The following GRAMD1B variants were observed in gnomAD, a reference collection of about 807,000 sequenced individuals.
The protein encoded by GRAMD1B is GRAM domain containing 1B, also known as protein Aster-B.
In GRAMD1B, 37 loss-of-function variants were observed where a neutral mutation model predicts 99.7. That is an observed-to-expected ratio of 0.37 (90% CI 0.29 to 0.49). GRAMD1B has a LOEUF of 0.49. Among genes scored for constraint, GRAMD1B ranks in the 20% least tolerant of loss-of-function variants. The probability of loss-of-function intolerance (pLI) is 0.98; values close to 1 mark genes in which losing one functional copy is unlikely to be tolerated. For missense variants in GRAMD1B, 888 were observed against 1,009.2 expected, an observed-to-expected ratio of 0.88 and a Z score of 1.63; for synonymous variants, 427 against 387.6, an observed-to-expected ratio of 1.10 and a Z score of -1.19.
chr11:123,481,512 C>T (rs1361806488), intron 2 of GRAMD1B, among the ~76,000 whole-genome samples: 2 of 152,134 alleles, frequency 1.3e-5, no homozygotes, highest in Non-Finnish European at 2.9e-5. Flanking sequence ...GAGTCATGCC[C>T]TATAGGTTGG....
chr11:123,553,727 G>A (rs182316103), intron 2 of GRAMD1B, among the ~76,000 whole-genome samples: 5 of 152,164 alleles, frequency 3.3e-5, no homozygotes, highest in East Asian at 1.9e-4. Context: ...TGGGGAACTC[G>A]GAGAGGACAG....
intron 1 of GRAMD1B, among the ~76,000 whole-genome samples, chr11:123,402,812 T>C (rs1437674597): frequency 6.6e-5 from 10 of 152,182 alleles, no homozygotes; most frequent in African/African-American, 2.4e-4. Flanking sequence ...TTTATTATTA[T>C]TATTATTTAT....
Position 123,389,935 on chromosome 11 carries a change from T to C in GRAMD1B, c.-176+31136T>C, listed in dbSNP as rs1309877887. ...GTGCCTGGCTAATGTTTTCCCATTT[T>C]TAGTAGAGACAGGGTTTCACCATGT... On this transcript the variant is annotated intron_variant, in intron 1 of 20. Coordinates refer to the GRAMD1B transcript ENST00000638157. Among the ~76,000 whole-genome samples the C allele has an allele frequency of 1.3e-5, 2 of 152,086 alleles. 1 individual carries two copies. The highest frequency in any genetic ancestry group is 2.9e-5 in the Non-Finnish European group (2 of 68,014).
chr11:123,585,671 G>A (rs1239392126), intron 4 of GRAMD1B, among the ~76,000 whole-genome samples: 10 of 152,140 alleles, frequency 6.6e-5, no homozygotes, highest in Admixed American at 2.6e-4. Context: ...GGAGCGACCC[G>A]CAGCCCAGCT....
intron 4 of GRAMD1B, among the ~76,000 whole-genome samples, chr11:123,586,362 T>A (rs539214854): frequency 2.6e-5 from 4 of 152,188 alleles, no homozygotes; most frequent in Non-Finnish European, 5.9e-5. Flanking sequence ...CTTCCTCTAT[T>A]AATTCTCACT....
chr11:123,369,670 G>A (rs555562313), intron 1 of GRAMD1B, among the ~76,000 whole-genome samples: 2 of 152,078 alleles, frequency 1.3e-5, no homozygotes, highest in East Asian at 1.9e-4. Flanking sequence ...CCAGGAGTTC[G>A]TGACCAGCCT....
chr11:123,602,143 A>G (rs1029788511), intron 8 of GRAMD1B, among the ~76,000 whole-genome samples: 2 of 152,092 alleles, frequency 1.3e-5, no homozygotes, highest in Non-Finnish European at 2.9e-5. Context: ...CAGCATAGAG[A>G]GCTGCGGCCC....
chr11:123,389,955 C>T (rs1947213816), intron 1 of GRAMD1B, among the ~76,000 whole-genome samples: 3 of 152,092 alleles, frequency 2.0e-5, no homozygotes, highest in Non-Finnish European at 2.9e-5. Flanking sequence ...CAGGGTTTCA[C>T]CATGTTGGCC....
chr11:123,424,131 G>A (rs1188307790), intron 1 of GRAMD1B, among the ~76,000 whole-genome samples: 2 of 151,620 alleles, frequency 1.3e-5, no homozygotes, highest in African/African-American at 4.9e-5. Flanking sequence ...TTGGCTGATT[G>A]AATGATAGTC....
At chr11:123,524,466 G>A (rs571760586) in intron 2 of GRAMD1B, among the ~76,000 whole-genome samples, 10 of 151,814 alleles carry the variant, frequency 6.6e-5, no homozygotes, top group African/African-American at 2.4e-4. Flanking sequence ...TCAGCCCCCC[G>A]AGTAACTGGG....
intron 1 of GRAMD1B, among the ~76,000 whole-genome samples, chr11:123,449,406 G>A (rs1048525680): frequency 3.3e-5 from 5 of 152,288 alleles, no homozygotes; most frequent in South Asian, 4.2e-4. Context: ...GGAATTCTAC[G>A]ATAAATCATT....
chr11:123,592,934 A>T (rs529797129), intron 4 of GRAMD1B, among the ~76,000 whole-genome samples: 1 of 152,198 alleles, frequency 6.6e-6, no homozygotes, highest in Non-Finnish European at 1.5e-5. Flanking sequence ...TTTAAATTTA[A>T]GATTGTAAGC....
chr11:123,583,137 G>A (rs900359370), intron 3 of GRAMD1B, among the ~76,000 whole-genome samples: 1 of 152,048 alleles, frequency 6.6e-6, no homozygotes, highest in African/African-American at 2.4e-5. Context: ...GTGTGCATGT[G>A]CACATGTATT....
intron 1 of GRAMD1B, among the ~76,000 whole-genome samples, chr11:123,394,669 C>T (rs181259092): frequency 5.9e-5 from 9 of 152,254 alleles, no homozygotes; most frequent in African/African-American, 9.6e-5. Context: ...TATTTATGTA[C>T]CTGTCTTGTT....
At chr11:123,566,823 A>G (rs899761561) in intron 2 of GRAMD1B, among the ~76,000 whole-genome samples, 2 of 152,148 alleles carry the variant, frequency 1.3e-5, no homozygotes, top group Non-Finnish European at 1.5e-5. Context: ...TGGACTATAT[A>G]TCTGCAACCC....
chr11:123,606,842 T>C, intron 11 of GRAMD1B, 44 bp downstream of exon 11: 1 of 1,507,196 alleles, frequency 6.6e-7, no homozygotes, highest in Non-Finnish European at 9.2e-7. Context: ...TGCTCTGTTT[T>C]GAAGGCTAAA....
chr11:123,457,117 A>AGAAAGGAAGAAAGAAAGAAAGAAAGAAAG, intron 1 of GRAMD1B, among the ~76,000 whole-genome samples: 1 of 99,436 alleles, frequency 1.0e-5, no homozygotes, highest in Non-Finnish European at 2.2e-5. Flanking sequence ...TTCTGAGAAA[A>AGAAAGGAAGAAAGAAAGAAAGAAAGAAAG]AAAGAAAGAA....
chr11:123,541,328 C>T (rs1944504503), intron 2 of GRAMD1B, among the ~76,000 whole-genome samples: 1 of 152,160 alleles, frequency 6.6e-6, no homozygotes, highest in Non-Finnish European at 1.5e-5. Context: ...TTCAGAGAGG[C>T]TGTTCCAGCT....
intron 3 of GRAMD1B, among the ~76,000 whole-genome samples, 162 bp from the exon 4 acceptor site, chr11:123,584,150 A>G (rs1182433518): frequency 6.6e-6 from 1 of 151,672 alleles, no homozygotes; most frequent in Non-Finnish European, 1.5e-5. Context: ...AACTGCCTTG[A>G]GAAAGGAGGA....
Sources: allele counts gnomAD v4.1 joint callset (sites outside exome capture counted in the v4.1 genomes callset), GRCh38; gene constraint gnomAD v4.1.1; transcripts MANE v1.5; gene names NCBI Gene and HGNC (gene_info 2026-07-23, HGNC 2026-07-21).